LARP1B: variants seen among roughly 807,000 people sequenced by gnomAD.
LARP1B encodes La ribonucleoprotein 1B.
A neutral mutation model predicts 114.2 loss-of-function variants in LARP1B; 76 were observed. The observed-to-expected ratio is 0.67, with a 90% CI of 0.55 to 0.81. The LOEUF (loss-of-function observed/expected upper bound fraction) is 0.81. Ranked by LOEUF, LARP1B falls within the 30% of genes least tolerant of loss-of-function variation. The pLI, the probability that LARP1B is intolerant of heterozygous loss-of-function variation, is 0.00. For missense variants in LARP1B, 1,014 were observed against 1,075.8 expected (o/e 0.94, Z 0.80); for synonymous variants, 345 against 348.0 (o/e 0.99, Z 0.10).
intron 15 of LARP1B, among the ~76,000 whole-genome samples, chr4:128,198,189 T>C (rs866815438): frequency 2.2e-4 from 34 of 152,148 alleles, no homozygotes; most frequent in Middle Eastern, 3.4e-3. Context: ...CCCAGCCCCA[T>C]TGTAGTTTAA....
rs113612673 is a variant in LARP1B at position 128,105,910 on chromosome 4, AAT to A, written c.814-1227_814-1226del. ...CGTCTCAAAAAATAAAAATAATAATAATAAAAAAAGAAATGCCCAGTTATGGA... is the reference window on the plus strand; with the variant it reads ...CGTCTCAAAAAATAAAAATAATAATAAAAAAAAGAAATGCCCAGTTATGGA... On this transcript the variant is annotated intron_variant, in intron 8 of 19. Coordinates refer to ENST00000326639, the MANE Select transcript of LARP1B (RefSeq NM_018078.4). Among the ~76,000 whole-genome samples the A allele has an allele frequency of 8.6e-4, 131 of 152,320 alleles. 1 individual carries two copies. Among genetic ancestry groups the A allele is most frequent in the Middle Eastern group, 3.4e-3 (1 of 294 alleles).
At chr4:128,213,825 C>A (rs1759291960), downstream of LARP1B, among the ~76,000 whole-genome samples, 1 of 152,128 alleles carries the variant, frequency 6.6e-6, no homozygotes, top group South Asian at 2.1e-4. Flanking sequence ...AGGAACAGCT[C>A]CGGTCTACAG....
At chr4:128,064,763 A>G (rs1324161640) in intron 1 of LARP1B, among the ~76,000 whole-genome samples, 1 of 152,112 alleles carries the variant, frequency 6.6e-6, no homozygotes, top group East Asian at 1.9e-4. Context: ...CATACATGGT[A>G]GTGTGTGCCT....
intron 11 of LARP1B, among the ~76,000 whole-genome samples, chr4:128,131,431 A>G (rs1039588463): frequency 3.9e-5 from 6 of 152,236 alleles, no homozygotes; most frequent in African/African-American, 1.4e-4. Context: ...GTGTGTGTTG[A>G]AAAATATTTG....
intron 11 of LARP1B, among the ~76,000 whole-genome samples, chr4:128,147,339 G>A (rs1246502041): frequency 1.3e-5 from 2 of 152,130 alleles, no homozygotes; most frequent in East Asian, 1.9e-4. Context: ...CTAAGACAGC[G>A]ATTGAAAAAT....
chr4:128,091,671 AC>A (rs1412085628), intron 7 of LARP1B, among the ~76,000 whole-genome samples, 159 bp downstream of exon 7: 24 of 151,200 alleles, frequency 1.6e-4, no homozygotes, highest in African/African-American at 5.8e-4. Context: ...ATCTTGGCTC[AC>A]TGCAACCTCT....
chr4:128,071,396 A>C (rs922735248), intron 1 of LARP1B, among the ~76,000 whole-genome samples: 1 of 146,658 alleles, frequency 6.8e-6, no homozygotes, highest in Non-Finnish European at 1.5e-5. Context: ...CCACTATTAG[A>C]GTTTGAGAAT....
In LARP1B at chr4:128,089,225, A is replaced by C. The variant is rs571717952; in HGVS notation, c.359-1776A>C. Reference sequence around the variant, plus strand: ...CCCCACACCAGAGTCTAAAGTGCTAAGGTTGTAAAACCTTGTCTCTAGGAT... The same window carrying C: ...CCCCACACCAGAGTCTAAAGTGCTACGGTTGTAAAACCTTGTCTCTAGGAT... On this transcript the variant is annotated intron_variant, in intron 5 of 19. Coordinates refer to ENST00000326639, the MANE Select transcript of LARP1B (RefSeq NM_018078.4). Among the ~76,000 whole-genome samples, 29 of 152,286 alleles carry C rather than the reference A, an allele frequency of 1.9e-4. 1 individual carries two copies. The East Asian group carries it at 5.4e-3, about 28-fold the overall frequency.
chr4:128,156,863 T>TAAAAAA (rs56753518), intron 11 of LARP1B, among the ~76,000 whole-genome samples: 7 of 80,750 alleles, frequency 8.7e-5, no homozygotes, highest in Non-Finnish European at 1.6e-4. Flanking sequence ...GGCTTGAAGC[T>TAAAAAA]AAAAAAAAAA....
chr4:128,190,192 A>G (rs959026502), intron 15 of LARP1B, among the ~76,000 whole-genome samples: 3 of 152,190 alleles, frequency 2.0e-5, no homozygotes, highest in Non-Finnish European at 4.4e-5. Flanking sequence ...TTTGCTGGGT[A>G]CAGCATAGTT....
At chr4:128,078,073 C>T (rs1251460229) in intron 4 of LARP1B, 111 bp downstream of exon 4, 17 of 720,400 alleles carry the variant, frequency 2.4e-5, no homozygotes, top group Admixed American at 3.5e-5. Context: ...GTTTGTATTT[C>T]TTCAGGATAA....
At chr4:128,108,846 T>G in intron 9 of LARP1B, 1 of 980,860 alleles carries the variant, frequency 1.0e-6, no homozygotes, top group Non-Finnish European at 1.2e-6. Flanking sequence ...GTCAAGTTGG[T>G]AATGCCTGTC....
Position 128,178,581 on chromosome 4 carries a change from A to G in LARP1B, c.1835A>G (p.Asp612Gly), listed in dbSNP as rs1431417598. The G allele has an allele frequency of 1.2e-6, 2 of 1,614,120 alleles. No homozygotes were observed. Among genetic ancestry groups the G allele is most frequent in the Non-Finnish European group, 8.5e-7 (1 of 1,180,006 alleles). Residue 612 changes from aspartate to glycine, a missense_variant, in exon 14 of 20, where the codon GAT becomes GGT. Coordinates refer to ENST00000326639, the MANE Select transcript of LARP1B (RefSeq NM_018078.4). ...ACACCTCGAACACCTAGGTTACAAG[A>G]TCCTAACAAAACACCAAGATTTTAT... is the stretch of plus-strand genomic sequence containing the variant. ...PKTPRTPRLQ[D>G]PNKTPRFYPV...
At chr4:128,188,245 T>C (rs1750999384) in intron 15 of LARP1B, among the ~76,000 whole-genome samples, 1 of 152,120 alleles carries the variant, frequency 6.6e-6, no homozygotes, top group Non-Finnish European at 1.5e-5. Context: ...TGGGTAATTT[T>C]TGTATTTTTA....
intron 7 of LARP1B, chr4:128,092,724 T>G (rs1776334808): frequency 4.1e-6 from 4 of 983,178 alleles, no homozygotes; most frequent in Non-Finnish European, 3.6e-6. Flanking sequence ...GGATCCAATT[T>G]GCTTACAGTG....
intron 5 of LARP1B, among the ~76,000 whole-genome samples, chr4:128,082,686 G>A (rs550138587): frequency 4.0e-5 from 6 of 151,736 alleles, no homozygotes; most frequent in South Asian, 2.1e-4. Context: ...TTTGAAGATT[G>A]TAGGATAATC....
chr4:128,212,983 A>G (rs1230086808), downstream of LARP1B, among the ~76,000 whole-genome samples: 1 of 131,290 alleles, frequency 7.6e-6, no homozygotes, highest in Non-Finnish European at 1.5e-5. Context: ...CAATGACGCG[A>G]TCTCGTCTCA....
chr4:128,069,014 T>C (rs1318877823), intron 1 of LARP1B: 2 of 838,956 alleles, frequency 2.4e-6, no homozygotes, highest in South Asian at 1.8e-5. Flanking sequence ...TTTACTTATA[T>C]TGGCTGTAAC....
At chr4:128,123,239 G>A in intron 11 of LARP1B, 1 of 985,428 alleles carries the variant, frequency 1.0e-6, no homozygotes. Context: ...GGCTATGATA[G>A]CTTGTTACGT....
Sources: allele counts gnomAD v4.1 joint callset (sites outside exome capture counted in the v4.1 genomes callset), GRCh38; gene constraint gnomAD v4.1.1; transcripts MANE v1.5; gene names NCBI Gene and HGNC (gene_info 2026-07-23, HGNC 2026-07-21).